TMED3: variants seen among roughly 807,000 people sequenced by gnomAD.
TMED3 encodes the protein transmembrane p24 trafficking protein 3, also known as transmembrane emp24 domain-containing protein 3.
TMED3 carries 9 observed loss-of-function variants against 15.0 expected under a neutral mutation model. The observed-to-expected ratio is 0.60, with a 90% CI of 0.36 to 1.04. TMED3 has a LOEUF of 1.04. Ranked by LOEUF, TMED3 falls within the 50% of genes least tolerant of loss-of-function variation. The probability of loss-of-function intolerance (pLI) is 0.01; values close to 1 mark genes in which losing one functional copy is unlikely to be tolerated. For missense variants in TMED3, 267 were observed against 278.9 expected (o/e 0.96, Z 0.30); for synonymous variants, 117 against 121.4 (o/e 0.96, Z 0.24).
intron 2 of TMED3, among the ~76,000 whole-genome samples, chr15:79,339,026 T>C (rs2058839047): frequency 6.6e-6 from 1 of 152,202 alleles, no homozygotes; most frequent in African/African-American, 2.4e-5. Context: ...CCTGTGATGC[T>C]GTGCTTCAGT....
At chr15:79,343,283 T>TA (rs2141229829) in intron 2 of TMED3, among the ~76,000 whole-genome samples, 1 of 152,164 alleles carries the variant, frequency 6.6e-6, no homozygotes, top group South Asian at 2.1e-4. Context: ...TTTATACTCA[T>TA]ACACACTGCC....
intron 2 of TMED3, among the ~76,000 whole-genome samples, chr15:79,318,168 A>G (rs1190203601): frequency 6.6e-6 from 1 of 151,844 alleles, no homozygotes; most frequent in Non-Finnish European, 1.5e-5. Context: ...GTCGTGTCCC[A>G]TGTCAAGTAC....
intron 2 of TMED3, among the ~76,000 whole-genome samples, chr15:79,344,926 T>G (rs548292956): frequency 2.0e-3 from 307 of 152,284 alleles, no homozygotes; most frequent in African/African-American, 6.9e-3. Context: ...GAAGGAGATG[T>G]GGAAGAGACT....
intron 2 of TMED3, among the ~76,000 whole-genome samples, chr15:79,353,172 C>T (rs57482480): frequency 0.29 from 14,821 of 51,766 alleles, 2,191 homozygotes; most frequent in African/African-American, 0.34. Context: ...AATATATATA[C>T]ATAATATATA....
exon 3 of TMED3, chr15:79,411,462 AACACCTGCC>A: frequency 1.4e-6 from 1 of 702,500 alleles, no homozygotes; most frequent in Non-Finnish European, 2.6e-6. Context: ...AGCCAGGCGG[AACACCTGCC>A]ACCGAGGGAC....
intron 2 of TMED3, among the ~76,000 whole-genome samples, chr15:79,379,894 T>C (rs1285767291): frequency 6.6e-6 from 1 of 152,206 alleles, no homozygotes; most frequent in Non-Finnish European, 1.5e-5. Context: ...AATAAATATT[T>C]CATAATATGA....
chr15:79,356,362 T>C (rs1454098517), intron 2 of TMED3, among the ~76,000 whole-genome samples: 1 of 152,164 alleles, frequency 6.6e-6, no homozygotes, highest in Non-Finnish European at 1.5e-5. Context: ...TTTAGAACAA[T>C]GTTGGCACAT....
chr15:79,353,290 T>TATATA (rs1567030576), intron 2 of TMED3, among the ~76,000 whole-genome samples: 38 of 32,702 alleles, frequency 1.2e-3, no homozygotes, highest in South Asian at 3.4e-3. Context: ...ATATATATTA[T>TATATA]ATGTATATTA....
chr15:79,329,674 A>G (rs527653057), intron 2 of TMED3, among the ~76,000 whole-genome samples: 4 of 152,330 alleles, frequency 2.6e-5, no homozygotes, highest in African/African-American at 9.6e-5. Flanking sequence ...GAGCCGGAGC[A>G]GGTAGCGGAG....
At chr15:79,338,409 A>G (rs1217255598) in intron 2 of TMED3, among the ~76,000 whole-genome samples, 1 of 152,154 alleles carries the variant, frequency 6.6e-6, no homozygotes, top group African/African-American at 2.4e-5. Context: ...CCCTGGCTTC[A>G]CCTCTTAGGG....
intron 2 of TMED3, among the ~76,000 whole-genome samples, chr15:79,397,627 T>C (rs532425954): frequency 2.5e-4 from 38 of 152,356 alleles, no homozygotes; most frequent in African/African-American, 9.1e-4. Context: ...TTTTTCCCTA[T>C]TTAGTTAATC....
intron 2 of TMED3, among the ~76,000 whole-genome samples, chr15:79,334,736 T>G (rs75498885): frequency 4.6e-5 from 7 of 152,184 alleles, no homozygotes; most frequent in Middle Eastern, 3.4e-3. Context: ...TTCGGAAGAA[T>G]TACTCCAGGA....
At chr15:79,343,239 T>C (rs543971579) in intron 2 of TMED3, among the ~76,000 whole-genome samples, 2 of 152,276 alleles carry the variant, frequency 1.3e-5, no homozygotes, top group African/African-American at 4.8e-5. Context: ...AGACACTCTG[T>C]CCATCACTAC....
intron 2 of TMED3, among the ~76,000 whole-genome samples, chr15:79,410,650 A>G (rs1012368613): frequency 2.6e-5 from 4 of 152,072 alleles, no homozygotes; most frequent in African/African-American, 7.2e-5. Flanking sequence ...TAAATTGTGG[A>G]AAAAAATAAG....
chr15:79,360,836 T>C (rs1020715036), intron 2 of TMED3, among the ~76,000 whole-genome samples: 1 of 152,150 alleles, frequency 6.6e-6, no homozygotes, highest in Non-Finnish European at 1.5e-5. Context: ...TAATATTCCA[T>C]GTAATTTATT....
At chr15:79,408,793 C>T (rs1893934798) in intron 2 of TMED3, among the ~76,000 whole-genome samples, 1 of 152,100 alleles carries the variant, frequency 6.6e-6, no homozygotes, top group Non-Finnish European at 1.5e-5. Context: ...TTGTGCGATT[C>T]AAAAGAGGAA....
intron 2 of TMED3, chr15:79,383,155 A>G (rs1266162787): frequency 3.8e-6 from 3 of 796,624 alleles, no homozygotes; most frequent in Admixed American, 4.2e-5. Context: ...TGCCTTGTCC[A>G]CTCTCACCTG....
At chr15:79,332,666 C>G (rs535911748) in intron 2 of TMED3, among the ~76,000 whole-genome samples, 30 of 152,326 alleles carry the variant, frequency 2.0e-4, no homozygotes, top group Non-Finnish European at 3.5e-4. Flanking sequence ...TCTCGCTTAT[C>G]ATTCAGCTGT....
intron 2 of TMED3, among the ~76,000 whole-genome samples, chr15:79,394,876 T>C (rs1436298014): frequency 6.6e-6 from 1 of 152,216 alleles, no homozygotes; most frequent in Non-Finnish European, 1.5e-5. Flanking sequence ...TACCCTCTCT[T>C]CTTCCCCAAA....
Sources: gnomAD v4.1 joint callset for allele counts (sites outside exome capture counted in the v4.1 genomes callset) on GRCh38, gnomAD v4.1.1 for gene constraint, MANE v1.5 for transcripts, NCBI Gene and HGNC (gene_info 2026-07-23, HGNC 2026-07-21) for gene names.